The following RNMT variants were observed in gnomAD, a reference collection of about 807,000 sequenced individuals.
The protein encoded by RNMT is RNA guanine-7 methyltransferase, also known as mRNA cap guanine-N(7) methyltransferase.
In RNMT, 27 loss-of-function variants were observed where a neutral mutation model predicts 56.0. The observed-to-expected ratio is 0.48, with a 90% confidence interval of 0.36 to 0.67. The LOEUF is 0.67. Ranked by LOEUF, RNMT falls within the 30% of genes least tolerant of loss-of-function variation. The pLI is 0.00. For missense variants in RNMT, 519 were observed against 552.1 expected (o/e 0.94, Z 0.60); for synonymous variants, 184 against 176.2 (o/e 1.04, Z -0.35).
In RNMT at chr18:13,761,475, CATT is replaced by C. The variant is rs1382118568; in HGVS notation, c.*1500_*1502del. On this transcript the variant is annotated 3_prime_UTR_variant, in exon 12 of 12. Transcript: ENST00000383314. The stretch of plus-strand genomic sequence containing the variant: ...TTTGTAGGTACAGGAAAAACATCAT[CATT>C]ATTTCCTCTGTTCACATTTACTGGT... 2.0e-6 allele frequency: 2 copies of C among 985,900 alleles called. No individual in the cohort carries two copies. Among genetic ancestry groups the C allele is most frequent in the Admixed American group, 6.1e-5 (1 of 16,438 alleles). The allele number at this position is 985,900 out of a possible 1,614,324, so 61.1% of individuals were successfully genotyped here.
chr18:13,758,085 A>G (rs1407618945), intron 11 of RNMT, among the ~76,000 whole-genome samples: 2 of 152,208 alleles, frequency 1.3e-5, no homozygotes, highest in Admixed American at 6.5e-5. Context: ...TAAAATACTC[A>G]GTAAACCGTG....
intron 11 of RNMT, among the ~76,000 whole-genome samples, chr18:13,756,668 C>T (rs1174484597): frequency 2.0e-5 from 3 of 152,140 alleles, no homozygotes; most frequent in Admixed American, 1.3e-4. Context: ...AATTGGAAAC[C>T]GGTAAATAAG....
chr18:13,729,665 T>C (rs542340070), intron 1 of RNMT, among the ~76,000 whole-genome samples: 1 of 152,348 alleles, frequency 6.6e-6, no homozygotes, highest in South Asian at 2.1e-4. Flanking sequence ...CTAATAACCA[T>C]TGAAACCCTT....
Position 13,731,712 on chromosome 18 carries a change from T to A in RNMT, c.195T>A (p.Asp65Glu), listed in dbSNP as rs1401284214. ...GAAAGAGAAAAGAGTTTGAAGATGATCTTGTAAAGGAAAGTTCTAGTTGTG... is the reference window on the plus strand; with the variant it reads ...GAAAGAGAAAAGAGTTTGAAGATGAACTTGTAAAGGAAAGTTCTAGTTGTG... ...IARKRKEFED[D>E]LVKESSSCGK... The change falls in exon 3 of 12, where the codon GAT (aspartate) becomes GAA (glutamate). Residue 65 changes from aspartate to glutamate, a missense_variant. Transcript: ENST00000383314. 9 of 1,613,352 alleles carry A rather than the reference T, an allele frequency of 5.6e-6. No individual in the cohort carries two copies. The highest frequency in any genetic ancestry group is 1.3e-5 in the African/African-American group (1 of 74,826).
At chr18:13,737,560 T>A (rs920861153) in intron 5 of RNMT, among the ~76,000 whole-genome samples, 1 of 151,756 alleles carries the variant, frequency 6.6e-6, no homozygotes, top group Admixed American at 6.6e-5. Context: ...AAAAAATTAG[T>A]TACAAGACTT....
chr18:13,741,595 C>T lies in RNMT; in HGVS notation c.878C>T (p.Ser293Phe). 1 of 1,613,874 alleles carries T rather than the reference C, an allele frequency of 6.2e-7. No individual in the cohort carries two copies. Among genetic ancestry groups the T allele is most frequent in the Non-Finnish European group, 8.5e-7 (1 of 1,179,774 alleles). The change falls in exon 7 of 12, where the codon TCT becomes TTT. Residue 293 changes from serine to phenylalanine, a missense_variant. Physicochemically the swap from Ser to Phe is radical, Grantham distance 155. Transcript: ENST00000383314. The stretch of plus-strand genomic sequence containing the variant: ...TTTGTCTGTCATTACTCATTTGAGT[C>T]TTATGAGCAGGCTGACATGATGCTG... Reference protein sequence around the residue: ...CQFVCHYSFESYEQADMMLRN... With the variant: ...CQFVCHYSFEFYEQADMMLRN...
intron 9 of RNMT, among the ~76,000 whole-genome samples, chr18:13,749,258 A>T (rs952849763): frequency 1.3e-5 from 2 of 152,250 alleles, no homozygotes; most frequent in Non-Finnish European, 2.9e-5. Context: ...CAGGCATTCA[A>T]AAACGAAGTT....
At chr18:13,752,008 A>ATG (rs1330059704) in intron 9 of RNMT, among the ~76,000 whole-genome samples, 1 of 152,132 alleles carries the variant, frequency 6.6e-6, no homozygotes, top group Non-Finnish European at 1.5e-5. Flanking sequence ...ATTAGGAGAA[A>ATG]TACCTAATGT....
At chr18:13,749,710 A>G (rs2149100448) in intron 9 of RNMT, among the ~76,000 whole-genome samples, 1 of 152,248 alleles carries the variant, frequency 6.6e-6, no homozygotes, top group East Asian at 1.9e-4. Flanking sequence ...ATTTGCATGT[A>G]TCTGGTTTGT....
chr18:13,760,287 T>C lies in RNMT; in HGVS notation c.*308T>C. On this transcript the variant is annotated 3_prime_UTR_variant, in exon 12 of 12. Transcript: ENST00000383314. Reference sequence around the variant, plus strand: ...ATATGACTTGATAAAGCAACTAAACTCTTTCCACAGTGTTCAGATTTGTCC... The same window carrying C: ...ATATGACTTGATAAAGCAACTAAACCCTTTCCACAGTGTTCAGATTTGTCC... 1 of 1,099,236 alleles carries C rather than the reference T, an allele frequency of 9.1e-7. No homozygotes were observed. The highest frequency in any genetic ancestry group is 1.1e-6 in the Non-Finnish European group (1 of 902,094). The allele number at this position is 1,099,236 out of a possible 1,614,324, so 68.1% of individuals were successfully genotyped here.
chr18:13,733,478 A>G (rs2044109066), intron 3 of RNMT, among the ~76,000 whole-genome samples: 1 of 152,036 alleles, frequency 6.6e-6, no homozygotes, highest in Non-Finnish European at 1.5e-5. Context: ...CCTGGGTTCA[A>G]GCGATTCTCC....
At position 13,742,658 on chromosome 18, in the gene RNMT, A is replaced by G; in HGVS notation, c.1139+6A>G. On this transcript the variant is annotated splice_donor_region_variant and intron_variant, in intron 8 of 11. Coordinates refer to ENST00000383314, the MANE Select transcript of RNMT (RefSeq NM_003799.3). ...TATTTTCCATTGCTAAATGAGTAAGAAGTCATTAATCTGTTCACTCTTTTC... is the reference window on the plus strand; with the variant it reads ...TATTTTCCATTGCTAAATGAGTAAGGAGTCATTAATCTGTTCACTCTTTTC... 1 of 1,602,844 alleles carries G rather than the reference A, an allele frequency of 6.2e-7. No homozygotes were observed. The highest frequency in any genetic ancestry group is 8.5e-7 in the Non-Finnish European group (1 of 1,172,484).
chr18:13,761,415 C>A lies in RNMT; in HGVS notation c.*1436C>A. 1.0e-6 allele frequency: 1 copy of A among 985,462 alleles called. No homozygotes were observed. The highest frequency in any genetic ancestry group is 1.2e-6 in the Non-Finnish European group (1 of 829,950). 61.0% of individuals were successfully genotyped at this position (985,462 alleles called of 1,614,324 possible). ...CCTGTCACATATGCAGGTTCGTTTT[C>A]ATTCTAGGGCAGTGCCAGGAAGTAT... On this transcript the variant is annotated 3_prime_UTR_variant, in exon 12 of 12. Coordinates refer to ENST00000383314, the MANE Select transcript of RNMT (RefSeq NM_003799.3).
At chr18:13,745,268 C>T (rs1660030807) in intron 8 of RNMT, among the ~76,000 whole-genome samples, 1 of 152,106 alleles carries the variant, frequency 6.6e-6, no homozygotes. Context: ...TTTCTGAAAG[C>T]TTAATCTGGC....
chr18:13,743,803 T>C lies in RNMT; in HGVS notation c.1139+1151T>C, dbSNP rs142963645. ...ATTGTAACTCAGTCAGTCTGTAAAA[T>C]TAGGGTTACAGTATTTTCAGGAGTT... On this transcript the variant is annotated intron_variant, in intron 8 of 11. Transcript: ENST00000383314. Among the ~76,000 whole-genome samples the C allele has an allele frequency of 4.3e-3, 651 of 151,848 alleles. 3 individuals carry two copies. Among genetic ancestry groups the C allele is most frequent in the Non-Finnish European group, 5.5e-3 (371 of 67,958 alleles).
intron 1 of RNMT, among the ~76,000 whole-genome samples, chr18:13,730,200 A>C (rs1271923800): frequency 1.3e-5 from 2 of 152,214 alleles, no homozygotes; most frequent in African/African-American, 2.4e-5. Flanking sequence ...TGGCTTAATA[A>C]ATGAACCACC....
At chr18:13,734,627 C>T in intron 4 of RNMT, 28 bp downstream of exon 4, 1 of 1,542,518 alleles carries the variant, frequency 6.5e-7, no homozygotes, top group Non-Finnish European at 8.8e-7. Context: ...GCTACTGAGT[C>T]TTTAATTCCT....
chr18:13,758,002 G>C (rs1355371267), intron 11 of RNMT, among the ~76,000 whole-genome samples: 2 of 152,144 alleles, frequency 1.3e-5, no homozygotes, highest in Non-Finnish European at 2.9e-5. Flanking sequence ...GGGTGACCAG[G>C]TATATTGCCA....
At chr18:13,752,069 T>C (rs2044457909) in intron 9 of RNMT, among the ~76,000 whole-genome samples, 1 of 152,098 alleles carries the variant, frequency 6.6e-6, no homozygotes, top group Non-Finnish European at 1.5e-5. Flanking sequence ...TGTATACCTA[T>C]GTAATAAACC....
Sources: gnomAD v4.1 joint callset for allele counts (sites outside exome capture counted in the v4.1 genomes callset) on GRCh38, gnomAD v4.1.1 for gene constraint, MANE v1.5 for transcripts, NCBI Gene and HGNC (gene_info 2026-07-23, HGNC 2026-07-21) for gene names.